NWD2: variants seen among roughly 807,000 people sequenced by gnomAD.
NWD2 encodes the protein NACHT and WD repeat domain containing 2.
NWD2 carries 37 observed loss-of-function variants against 132.7 expected under a neutral mutation model. The observed-to-expected ratio is 0.28, with a 90% CI of 0.21 to 0.37. The LOEUF (loss-of-function observed/expected upper bound fraction) is 0.37. Among genes scored for constraint, NWD2 ranks in the 10% least tolerant of loss-of-function variants. NWD2 has a pLI of 1.00. For missense variants in NWD2, 1,592 were observed against 2,122.4 expected (o/e 0.75, Z 4.91); for synonymous variants, 705 against 803.0 (o/e 0.88, Z 2.06).
At chr4:37,366,991 A>G (rs1352323296) in intron 3 of NWD2, among the ~76,000 whole-genome samples, 1 of 152,200 alleles carries the variant, frequency 6.6e-6, no homozygotes, top group Non-Finnish European at 1.5e-5. Context: ...ATTAACATTT[A>G]TAGAATGCCA....
chr4:37,361,395 C>T (rs1719979103), intron 3 of NWD2, among the ~76,000 whole-genome samples: 1 of 152,164 alleles, frequency 6.6e-6, no homozygotes, highest in Admixed American at 6.5e-5. Context: ...AAGAAAACTA[C>T]AGGCAAATAT....
rs1367960205 is a variant in NWD2 at position 37,444,541 on chromosome 4, T to G, written c.2553T>G (p.Leu851=). The change falls in exon 7 of 7, where the codon CTT becomes CTG. Residue 851 remains leucine (L), a synonymous_variant. Coordinates refer to ENST00000309447, the MANE Select transcript of NWD2 (RefSeq NM_001144990.2). This position sits in a 1 kb window ranked among gnomAD's most constrained non-coding sequence, Gnocchi z 4.8. The part of the protein sequence containing the change: ...LTRCGKTDDL[L]YGIIMNFSWL... ...GGTGTGGAAAAACCGATGACCTGCT[T>G]TACGGCATCATCATGAACTTCAGCT... 2 of 1,551,696 alleles carry G rather than the reference T, an allele frequency of 1.3e-6. No individual in the cohort carries two copies. The highest frequency in any genetic ancestry group is 2.7e-5 in the African/African-American group (2 of 73,028).
Position 37,443,482 on chromosome 4 carries a change from T to C in NWD2, c.1494T>C (p.Asn498=). Residue 498 remains asparagine, a synonymous_variant, in exon 7 of 7, where the codon AAT becomes AAC. Transcript: ENST00000309447. This position sits in a 1 kb window ranked among gnomAD's most constrained non-coding sequence, Gnocchi z 4.1. ...KIHDLCDLFI[N]LLNESSLQRP... is the part of the protein sequence containing the mutation. ...ATGACCTCTGTGACTTATTTATAAA[T>C]CTTTTGAATGAGTCTTCACTGCAGA... 1 of 1,552,206 alleles carries C rather than the reference T, an allele frequency of 6.4e-7. No homozygotes were observed. Among genetic ancestry groups the C allele is most frequent in the East Asian group, 2.4e-5 (1 of 40,918 alleles).
chr4:37,351,008 C>T (rs554745625), intron 2 of NWD2, among the ~76,000 whole-genome samples: 2 of 151,744 alleles, frequency 1.3e-5, no homozygotes, highest in Non-Finnish European at 2.9e-5. Flanking sequence ...GTTGAACCAG[C>T]CTTGCATCCC....
intron 1 of NWD2, among the ~76,000 whole-genome samples, chr4:37,270,893 T>A (rs1424852882): frequency 6.6e-6 from 1 of 151,898 alleles, no homozygotes; most frequent in African/African-American, 2.4e-5. Flanking sequence ...AGCTGTTAGG[T>A]TTAATCCAGT....
At chr4:37,399,294 C>T (rs1050048367) in intron 3 of NWD2, among the ~76,000 whole-genome samples, 1 of 152,174 alleles carries the variant, frequency 6.6e-6, no homozygotes, top group African/African-American at 2.4e-5. Flanking sequence ...ACTTTTTAAG[C>T]CTCTCTGGCC....
At chr4:37,355,902 C>CT (rs1027028394) in intron 2 of NWD2, among the ~76,000 whole-genome samples, 107 of 147,074 alleles carry the variant, frequency 7.3e-4, no homozygotes, top group Middle Eastern at 3.5e-3. Flanking sequence ...AATGACAGGG[C>CT]TTTTTTTTTT....
chr4:37,390,058 G>A (rs902277378), intron 3 of NWD2, among the ~76,000 whole-genome samples: 1 of 152,194 alleles, frequency 6.6e-6, no homozygotes, highest in African/African-American at 2.4e-5. Context: ...CCAAGGTGCT[G>A]GGATTACAGG....
intron 2 of NWD2, among the ~76,000 whole-genome samples, chr4:37,346,378 A>G (rs1280698703): frequency 6.6e-6 from 1 of 152,202 alleles, no homozygotes; most frequent in Non-Finnish European, 1.5e-5. Flanking sequence ...TACTATGTCT[A>G]TCCTTATGCC....
At chr4:37,282,311 G>C (rs1307749473) in intron 1 of NWD2, among the ~76,000 whole-genome samples, 1 of 151,984 alleles carries the variant, frequency 6.6e-6, no homozygotes, top group Non-Finnish European at 1.5e-5. Context: ...TTTTATTCTT[G>C]AGGTAGGAAA....
chr4:37,283,934 A>G (rs551654243), intron 1 of NWD2, among the ~76,000 whole-genome samples: 2 of 152,274 alleles, frequency 1.3e-5, no homozygotes, highest in African/African-American at 2.4e-5. Flanking sequence ...TGTTTACTGT[A>G]TACATTCTAT....
rs183533820 is a variant in NWD2 at position 37,313,987 on chromosome 4, C to T, written c.152-11949C>T. On this transcript the variant is annotated intron_variant, in intron 1 of 6. Transcript: ENST00000309447. ...CTGAGATTACAGGCGTGAGCCACTG[C>T]GCCTGGCCATTGCTGAGTTTTTATC... 3.0e-4 allele frequency among the ~76,000 whole-genome samples: 44 copies of T among 145,620 alleles called. 2 individuals are homozygous for T. The highest frequency in any genetic ancestry group is 7.4e-4 in the African/African-American group (26 of 35,184).
Position 37,365,664 on chromosome 4 carries a change from A to G in NWD2, c.357+9182A>G, listed in dbSNP as rs543079109. ...TCACCAAAAGAGCTTTAGAATGGACAAACATGGAAAATTAGCTTTCTTCTC... is the reference window on the plus strand; with the variant it reads ...TCACCAAAAGAGCTTTAGAATGGACGAACATGGAAAATTAGCTTTCTTCTC... On this transcript the variant is annotated intron_variant, in intron 3 of 6. Transcript: ENST00000309447. Among the ~76,000 whole-genome samples, 18 of 152,356 alleles carry G rather than the reference A, an allele frequency of 1.2e-4. No homozygotes were observed. In the South Asian group the frequency reaches 3.7e-3, roughly 32 times the overall value.
At chr4:37,283,364 T>C (rs1407191400) in intron 1 of NWD2, among the ~76,000 whole-genome samples, 1 of 152,206 alleles carries the variant, frequency 6.6e-6, no homozygotes, top group African/African-American at 2.4e-5. Context: ...TACGTTCTCT[T>C]TAATGTTGTT....
chr4:37,380,434 G>A (rs998770680), intron 3 of NWD2, among the ~76,000 whole-genome samples: 1 of 152,130 alleles, frequency 6.6e-6, no homozygotes, highest in African/African-American at 2.4e-5. Context: ...TTGGACAAAT[G>A]TTTTTCTCCC....
At position 37,444,044 on chromosome 4, in the gene NWD2, A is replaced by C. The variant is rs897631614; in HGVS notation, c.2056A>C (p.Ser686Arg). ...ELEDVLALDN[S>R]VMSELKENTR... ...GGAGGATGTGTTAGCCCTAGACAACAGTGTAATGAGTGAGCTCAAAGAAAA... is the reference window on the plus strand; with the variant it reads ...GGAGGATGTGTTAGCCCTAGACAACCGTGTAATGAGTGAGCTCAAAGAAAA... Residue 686 changes from serine to arginine, a missense_variant, in exon 7 of 7, where the codon AGT (serine) becomes CGT (arginine). By Grantham distance (110) the Ser-to-Arg change is moderately radical. Coordinates refer to ENST00000309447, the MANE Select transcript of NWD2 (RefSeq NM_001144990.2). This position sits in a 1 kb window ranked among gnomAD's most constrained non-coding sequence, Gnocchi z 4.8. The C allele has an allele frequency of 6.4e-7, 1 of 1,551,956 alleles. No individual in the cohort carries two copies. Among genetic ancestry groups the C allele is most frequent in the Admixed American group, 2.0e-5 (1 of 51,014 alleles).
chr4:37,443,241 T>A lies in NWD2; in HGVS notation c.1297-44T>A. ...GAGGCAATGTTATCACATATGACCATGTGAATACATATTACCATTCTAAAC... is the reference window on the plus strand; with the variant it reads ...GAGGCAATGTTATCACATATGACCAAGTGAATACATATTACCATTCTAAAC... On this transcript the variant is annotated intron_variant, in intron 6 of 6. Transcript: ENST00000309447. This position sits in a 1 kb window ranked among gnomAD's most constrained non-coding sequence, Gnocchi z 4.1. The A allele has an allele frequency of 6.9e-7, 1 of 1,457,266 alleles. No individual in the cohort carries two copies. The highest frequency in any genetic ancestry group is 9.3e-7 in the Non-Finnish European group (1 of 1,072,278). 90.3% of individuals were successfully genotyped at this position (1,457,266 alleles called of 1,614,324 possible).
Position 37,245,087 on chromosome 4 carries a change from G to T in NWD2, c.20G>T (p.Gly7Val). 6.5e-7 allele frequency: 1 copy of T among 1,546,190 alleles called. No individual in the cohort carries two copies. Among genetic ancestry groups the T allele is most frequent in the Non-Finnish European group, 8.7e-7 (1 of 1,146,470 alleles). The change falls in exon 1 of 7, where the codon GGC becomes GTC. Residue 7 changes from glycine (G) to valine (V), a missense_variant. Around this residue, in one of 7 missense-constraint regions of NWD2, gnomAD observed 88 missense variants for 92.8 expected, o/e 0.95. Transcript: ENST00000309447. Reference protein sequence around the residue: MWPAGAGTKLPCPRDSA... With the variant: MWPAGAVTKLPCPRDSA... The stretch of plus-strand genomic sequence containing the variant: ...AGGGCGATGTGGCCGGCCGGCGCGG[G>T]CACCAAGCTGCCCTGTCCCCGAGAC...
chr4:37,433,323 T>C (rs1344434868), intron 4 of NWD2, among the ~76,000 whole-genome samples: 1 of 152,246 alleles, frequency 6.6e-6, no homozygotes, highest in African/African-American at 2.4e-5. Flanking sequence ...CATTTATCTT[T>C]ATGATCCACT....
Sources: gnomAD v4.1 joint callset for allele counts (sites outside exome capture counted in the v4.1 genomes callset) on GRCh38, gnomAD v4.1.1 for gene constraint, gnomAD v4.1.1 regional missense constraint, Gnocchi (gnomAD v3.1) non-coding constraint, MANE v1.5 for transcripts, NCBI Gene and HGNC (gene_info 2026-07-23, HGNC 2026-07-21) for gene names.